Variants in KLHL1 observed in about 807,000 individuals in gnomAD.
The protein encoded by KLHL1 is kelch like family member 1.
Under a neutral mutation model 77.7 loss-of-function variants are expected in KLHL1, and 47 were observed. The ratio of observed to expected loss-of-function variants is 0.60; its 90% CI spans 0.48 to 0.77. The LOEUF (loss-of-function observed/expected upper bound fraction) is 0.77. KLHL1 is among the 30% of genes least tolerant of loss of function. KLHL1 has a pLI of 0.00. For synonymous variants in KLHL1, 360 were observed against 325.2 expected, an observed-to-expected ratio of 1.11 and a Z score of -1.15; for missense variants, 925 against 910.8, an observed-to-expected ratio of 1.02 and a Z score of -0.20.
chr13:69,879,439 A>C (rs1283640659), intron 5 of KLHL1, among the ~76,000 whole-genome samples: 1 of 152,096 alleles, frequency 6.6e-6, no homozygotes, highest in Non-Finnish European at 1.5e-5. Flanking sequence ...TGGTAGCAAC[A>C]CACACAAACA....
At chr13:69,800,858 T>C (rs74090457) in intron 6 of KLHL1, among the ~76,000 whole-genome samples, 2,985 of 152,224 alleles carry the variant, frequency 0.02, 87 homozygotes, top group African/African-American at 0.067. Context: ...TATCATAATA[T>C]AGATTACAAA....
chr13:70,030,112 C>T (rs1037071737), intron 1 of KLHL1, among the ~76,000 whole-genome samples: 3 of 152,018 alleles, frequency 2.0e-5, no homozygotes. Context: ...TAGAGACCTA[C>T]GAAGAGACTT....
chr13:69,880,500 G>C (rs1880947320), intron 5 of KLHL1, among the ~76,000 whole-genome samples: 1 of 152,030 alleles, frequency 6.6e-6, no homozygotes. Context: ...TGTTAATAGT[G>C]ACATCAAAAG....
Position 69,737,579 on chromosome 13 carries a change from C to T in KLHL1, c.1802+2815G>A, listed in dbSNP as rs1169255100. On this transcript the variant is annotated intron_variant, in intron 8 of 10. Transcript: ENST00000377844. The stretch of plus-strand genomic sequence containing the variant: ...TGCCAGCAAGACTGGGCGGTCTGGA[C>T]TGGGAGCAAACTTCTCACAGGGGAA... 2.0e-5 allele frequency among the ~76,000 whole-genome samples: 3 copies of T among 152,200 alleles called. No individual in the cohort carries two copies. The East Asian group carries it at 5.8e-4, about 29-fold the overall frequency.
At chr13:70,038,597 T>TTTA in intron 1 of KLHL1, among the ~76,000 whole-genome samples, 1 of 142,150 alleles carries the variant, frequency 7.0e-6, no homozygotes, top group Admixed American at 7.1e-5. Context: ...TTTTTTTTTT[T>TTTA]TTTTTTTTGA....
chr13:69,833,081 C>T (rs1182571336), intron 6 of KLHL1, among the ~76,000 whole-genome samples: 2 of 151,884 alleles, frequency 1.3e-5, no homozygotes, highest in Admixed American at 1.3e-4. Flanking sequence ...GCAAATGCAA[C>T]AACAACAACA....
intron 5 of KLHL1, among the ~76,000 whole-genome samples, chr13:69,864,932 CTTGAGT>C (rs1880314445): frequency 6.6e-6 from 1 of 151,982 alleles, no homozygotes; most frequent in Non-Finnish European, 1.5e-5. Context: ...GAAAGTGAAT[CTTGAGT>C]TTTTGTTTTA....
At chr13:70,097,354 T>C (rs1445725367) in intron 1 of KLHL1, among the ~76,000 whole-genome samples, 1 of 152,028 alleles carries the variant, frequency 6.6e-6, no homozygotes, top group African/African-American at 2.4e-5. Context: ...GTATAATTTG[T>C]CTTCATGTGC....
intron 3 of KLHL1, among the ~76,000 whole-genome samples, chr13:69,942,936 T>C (rs1017189772): frequency 6.6e-6 from 1 of 152,180 alleles, no homozygotes; most frequent in Non-Finnish European, 1.5e-5. Context: ...CATTTACTTG[T>C]GGTGTTCCTT....
At chr13:69,780,707 T>TATATATATATATATATATAC (rs1876111913) in intron 7 of KLHL1, among the ~76,000 whole-genome samples, 5 of 37,764 alleles carry the variant, frequency 1.3e-4, no homozygotes, top group Non-Finnish European at 5.3e-5. Context: ...TATATGTATA[T>TATATATATATATATATATAC]ATATATATGT....
intron 7 of KLHL1, among the ~76,000 whole-genome samples, chr13:69,745,705 G>A (rs937578468): frequency 2.6e-5 from 4 of 151,750 alleles, no homozygotes; most frequent in African/African-American, 9.7e-5. Flanking sequence ...AAATAGATAA[G>A]CATAACAATG....
chr13:69,764,175 A>G (rs1282114488), intron 7 of KLHL1, among the ~76,000 whole-genome samples: 1 of 152,192 alleles, frequency 6.6e-6, no homozygotes, highest in Admixed American at 6.5e-5. Context: ...CTTTATTCAT[A>G]GTGAACTGTA....
chr13:69,728,188 G>A (rs1321628667), intron 8 of KLHL1, among the ~76,000 whole-genome samples: 3 of 151,514 alleles, frequency 2.0e-5, no homozygotes, highest in African/African-American at 7.3e-5. Flanking sequence ...TATACAATTT[G>A]GGGTGCCACC....
At chr13:69,868,898 A>T (rs1280124310) in intron 5 of KLHL1, among the ~76,000 whole-genome samples, 1 of 152,098 alleles carries the variant, frequency 6.6e-6, no homozygotes. Context: ...GTATAGTACA[A>T]GTTTTGAAGA....
intron 1 of KLHL1, among the ~76,000 whole-genome samples, chr13:69,997,510 T>C (rs1885186284): frequency 6.6e-6 from 1 of 151,476 alleles, no homozygotes; most frequent in African/African-American, 2.4e-5. Flanking sequence ...CCTCTGTTTC[T>C]ATGAGTTTTA....
chr13:69,865,942 G>A (rs144096716), intron 5 of KLHL1, among the ~76,000 whole-genome samples: 4 of 151,998 alleles, frequency 2.6e-5, no homozygotes, highest in African/African-American at 7.2e-5. Context: ...TGAGAGTAAC[G>A]AACATTAGCA....
chr13:70,039,860 C>T (rs2246143), intron 1 of KLHL1, among the ~76,000 whole-genome samples: 8 of 151,882 alleles, frequency 5.3e-5, no homozygotes, highest in Middle Eastern at 3.4e-3. Context: ...AGGCTGGTCT[C>T]GAAATTCTGA....
intron 1 of KLHL1, among the ~76,000 whole-genome samples, chr13:70,015,001 T>A (rs1272063289): frequency 6.9e-6 from 1 of 144,136 alleles, no homozygotes; most frequent in Admixed American, 6.9e-5. Context: ...CATGCAAAAA[T>A]TATTAAAAAT....
chr13:70,004,895 T>C (rs1885371905), intron 1 of KLHL1, among the ~76,000 whole-genome samples: 1 of 151,454 alleles, frequency 6.6e-6, no homozygotes. Context: ...TTAATATATT[T>C]TAATATTTTG....
Sources: gnomAD v4.1 joint callset for allele counts (sites outside exome capture counted in the v4.1 genomes callset) on GRCh38, gnomAD v4.1.1 for gene constraint, MANE v1.5 for transcripts, NCBI Gene and HGNC (gene_info 2026-07-23, HGNC 2026-07-21) for gene names.